The following CPLX1 variants were observed in gnomAD, a reference collection of about 807,000 sequenced individuals.
CPLX1 encodes complexin-1.
In CPLX1, 6 loss-of-function variants were observed where a neutral mutation model predicts 15.6. The ratio of observed to expected loss-of-function variants is 0.39; its 90% CI spans 0.21 to 0.76. The LOEUF is 0.76. Ranked by LOEUF, CPLX1 falls within the 30% of genes least tolerant of loss-of-function variation. The probability of loss-of-function intolerance (pLI) is 0.43; values close to 1 mark genes in which losing one functional copy is unlikely to be tolerated. For synonymous variants in CPLX1, 91 were observed against 75.2 expected (o/e 1.21, Z -1.08); for missense variants, 242 against 188.6 (o/e 1.28, Z -1.66).
chr4:815,805 G>A (rs9328757), intron 2 of CPLX1, among the ~76,000 whole-genome samples: 54,069 of 152,046 alleles, frequency 0.36, 9,913 homozygotes, highest in Middle Eastern at 0.43. Context: ...CCTGGCTTCT[G>A]CCCAGGCTCT....
At chr4:808,860 C>A (rs1746605006) in intron 2 of CPLX1, among the ~76,000 whole-genome samples, 1 of 152,252 alleles carries the variant, frequency 6.6e-6, no homozygotes, top group Non-Finnish European at 1.5e-5. Flanking sequence ...TTCTTTCAAA[C>A]ATTCAAGAAA....
At chr4:791,752 A>C (rs1035816346) in intron 3 of CPLX1, among the ~76,000 whole-genome samples, 11 of 152,140 alleles carry the variant, frequency 7.2e-5, no homozygotes, top group Non-Finnish European at 1.5e-4. Context: ...CGGGGTGAGC[A>C]CTGCGCCCCA....
At chr4:814,195 T>C (rs887550880) in intron 2 of CPLX1, among the ~76,000 whole-genome samples, 1 of 152,048 alleles carries the variant, frequency 6.6e-6, no homozygotes, top group Non-Finnish European at 1.5e-5. Flanking sequence ...CTTATAATCA[T>C]GCTAGCTGTC....
At chr4:805,125 G>T (rs969666054) in intron 2 of CPLX1, among the ~76,000 whole-genome samples, 1 of 152,234 alleles carries the variant, frequency 6.6e-6, no homozygotes, top group African/African-American at 2.4e-5. Context: ...AGGGAAGCCC[G>T]GGGCCTGGAG....
intron 3 of CPLX1, chr4:788,618 A>C: frequency 2.0e-6 from 2 of 984,706 alleles, no homozygotes; most frequent in Non-Finnish European, 2.4e-6. Context: ...CAGCAAGAGC[A>C]GATTGGTTCT....
chr4:816,172 C>T (rs1171244201), intron 2 of CPLX1, among the ~76,000 whole-genome samples: 1 of 150,846 alleles, frequency 6.6e-6, no homozygotes, highest in African/African-American at 2.4e-5. Context: ...TTTGCAGTGT[C>T]TCTTAAATTT....
chr4:807,302 A>G (rs896404663), intron 2 of CPLX1, among the ~76,000 whole-genome samples: 3 of 152,158 alleles, frequency 2.0e-5, no homozygotes, highest in Admixed American at 1.3e-4. Context: ...GGGAGGGGAA[A>G]AACACACACT....
intron 1 of CPLX1, chr4:824,885 G>T: frequency 2.2e-6 from 1 of 451,104 alleles, no homozygotes; most frequent in South Asian, 1.8e-5. Context: ...GCGCCAGGCT[G>T]CGGAAGCAGG....
At chr4:805,033 G>T in intron 2 of CPLX1, 1 of 717,508 alleles carries the variant, frequency 1.4e-6, no homozygotes, top group Non-Finnish European at 1.7e-6. Flanking sequence ...CGCACCGTCT[G>T]TCTCGGCAGC....
rs375184648 is a variant in CPLX1, at chr4:808,418, A to G, written c.32-15810T>C. Among the ~76,000 whole-genome samples, 8 of 152,132 alleles carry G rather than the reference A, an allele frequency of 5.3e-5. No homozygotes were observed. In the East Asian group the frequency reaches 5.8e-4, roughly 11 times the overall value. On this transcript the variant is annotated intron_variant, in intron 2 of 3. Coordinates refer to ENST00000304062, the MANE Select transcript of CPLX1 (RefSeq NM_006651.4). ...ATGTCAGGGGTGGCCCATGCTGTTCATTCCCTGAAACGCTCACGCTCCCGG... is the reference window on the plus strand; with the variant it reads ...ATGTCAGGGGTGGCCCATGCTGTTCGTTCCCTGAAACGCTCACGCTCCCGG...
At position 793,093 on chromosome 4, in the gene CPLX1, C is replaced by T. The variant is rs1577471279; in HGVS notation, c.32-485G>A. 2.6e-5 allele frequency among the ~76,000 whole-genome samples: 4 copies of T among 152,284 alleles called. 1 individual carries two copies. Among genetic ancestry groups the T allele is most frequent in the Admixed American group, 2.6e-4 (4 of 15,298 alleles). ...GATCAGGCTTGTCGTCTTGTGGTTG[C>T]GCGTGCAGTTGTGTGTGAGCTTCCA... On this transcript the variant is annotated intron_variant, in intron 2 of 3. Transcript: ENST00000304062.
rs560234082 is a variant in CPLX1 at position 808,023 on chromosome 4, T to G, written c.32-15415A>C. ...CGGTCACACCTGTCATCCCAGCACT[T>G]GGGAGGGTGAGGTGGCTGGATCGCT... On this transcript the variant is annotated intron_variant, in intron 2 of 3. Coordinates refer to ENST00000304062, the MANE Select transcript of CPLX1 (RefSeq NM_006651.4). Among the ~76,000 whole-genome samples, 16 of 152,220 alleles carry G rather than the reference T, an allele frequency of 1.1e-4. No individual in the cohort carries two copies. The East Asian group carries it at 3.1e-3, about 29-fold the overall frequency.
intron 1 of CPLX1, chr4:824,903 C>T: frequency 2.4e-6 from 1 of 418,868 alleles, no homozygotes; most frequent in Non-Finnish European, 4.6e-6. Flanking sequence ...AGGGGCGGGG[C>T]CCAGGGGGCG....
At chr4:824,936 T>C (rs1746948404) in intron 1 of CPLX1, 2 of 373,588 alleles carry the variant, frequency 5.4e-6, no homozygotes, top group Non-Finnish European at 1.0e-5. Flanking sequence ...TGCTCCGCTC[T>C]GCAGCTCAGT....
At chr4:816,773 G>C (rs1445279306) in intron 2 of CPLX1, among the ~76,000 whole-genome samples, 2 of 152,166 alleles carry the variant, frequency 1.3e-5, no homozygotes, top group Admixed American at 1.3e-4. Flanking sequence ...AGTGAGCTGT[G>C]ATCGCTCCAC....
At chr4:803,489 C>G (rs548775223) in intron 2 of CPLX1, among the ~76,000 whole-genome samples, 1 of 152,296 alleles carries the variant, frequency 6.6e-6, no homozygotes, top group Admixed American at 6.5e-5. Context: ...CTCCCAGGTT[C>G]ACGCCATTCT....
chr4:821,833 G>A (rs1746869949), intron 2 of CPLX1, among the ~76,000 whole-genome samples: 1 of 152,148 alleles, frequency 6.6e-6, no homozygotes, highest in Non-Finnish European at 1.5e-5. Flanking sequence ...TGGGTCAGAT[G>A]AGCAGGCCCT....
chr4:816,656 T>C (rs1260511043), intron 2 of CPLX1, among the ~76,000 whole-genome samples: 2 of 151,732 alleles, frequency 1.3e-5, no homozygotes, highest in African/African-American at 2.4e-5. Context: ...TGGGACCCTG[T>C]CTTAAAAAAA....
At chr4:804,228 C>T (rs1211507341) in intron 2 of CPLX1, among the ~76,000 whole-genome samples, 2 of 152,220 alleles carry the variant, frequency 1.3e-5, no homozygotes, top group African/African-American at 4.8e-5. Context: ...ATCTCTTTCT[C>T]CGTCTCTCCC....
Sources: gnomAD v4.1 joint callset for allele counts (sites outside exome capture counted in the v4.1 genomes callset) on GRCh38, gnomAD v4.1.1 for gene constraint, MANE v1.5 for transcripts, NCBI Gene and HGNC (gene_info 2026-07-23, HGNC 2026-07-21) for gene names.